NAALADL2: variants seen among roughly 807,000 people sequenced by gnomAD.
NAALADL2 encodes inactive N-acetylated-alpha-linked acidic dipeptidase-like protein 2.
A neutral mutation model predicts 87.2 loss-of-function variants in NAALADL2; 76 were observed. The ratio of observed to expected loss-of-function variants is 0.87; its 90% CI spans 0.72 to 1.05. The LOEUF (loss-of-function observed/expected upper bound fraction) is 1.05, where lower values mean the gene tolerates loss of function less well. Among genes scored for constraint, NAALADL2 ranks in the 50% least tolerant of loss-of-function variants. The pLI is 0.00. For missense variants in NAALADL2, 1,089 were observed against 945.8 expected (o/e 1.15, Z -1.99); for synonymous variants, 354 against 331.0 (o/e 1.07, Z -0.75).
intron 3 of NAALADL2, among the ~76,000 whole-genome samples, chr3:174,797,730 C>T (rs1275466277): frequency 1.9e-4 from 29 of 151,868 alleles, no homozygotes; most frequent in Admixed American, 1.8e-3. Context: ...AGCTTCCAGC[C>T]TCCAGAAATG....
At chr3:175,348,679 G>T (rs1470325698) in intron 5 of NAALADL2, among the ~76,000 whole-genome samples, 1 of 152,018 alleles carries the variant, frequency 6.6e-6, no homozygotes, top group Non-Finnish European at 1.5e-5. Flanking sequence ...TGTGTGTGAC[G>T]GTCTCTATGG....
intron 11 of NAALADL2, among the ~76,000 whole-genome samples, chr3:175,721,007 A>T (rs1742161545): frequency 6.6e-6 from 1 of 152,158 alleles, no homozygotes; most frequent in Non-Finnish European, 1.5e-5. Flanking sequence ...GAAGATGTGA[A>T]TAAGTATAAC....
At chr3:175,147,230 G>T (rs1034625383) in intron 2 of NAALADL2, among the ~76,000 whole-genome samples, 1 of 152,034 alleles carries the variant, frequency 6.6e-6, no homozygotes, top group Non-Finnish European at 1.5e-5. Flanking sequence ...TTCAAATCTT[G>T]CCATCCTCCT....
intron 1 of NAALADL2, among the ~76,000 whole-genome samples, chr3:174,872,792 T>A (rs1728004996): frequency 6.6e-6 from 1 of 152,106 alleles, no homozygotes; most frequent in Non-Finnish European, 1.5e-5. Flanking sequence ...ATAAACATTC[T>A]GAAATTGCTC....
At chr3:175,369,215 A>G (rs1766111649) in intron 5 of NAALADL2, among the ~76,000 whole-genome samples, 1 of 152,130 alleles carries the variant, frequency 6.6e-6, no homozygotes, top group South Asian at 2.1e-4. Context: ...ACCTGACTGT[A>G]TATATATGTA....
At chr3:174,935,529 G>A (rs1298370457) in intron 1 of NAALADL2, among the ~76,000 whole-genome samples, 2 of 152,088 alleles carry the variant, frequency 1.3e-5, no homozygotes, top group African/African-American at 2.4e-5. Context: ...TAGTAGTGGT[G>A]GAAGTGATGG....
At chr3:174,742,518 A>G (rs1733859079) in intron 3 of NAALADL2, among the ~76,000 whole-genome samples, 1 of 151,742 alleles carries the variant, frequency 6.6e-6, no homozygotes, top group Non-Finnish European at 1.5e-5. Context: ...ACATATAATA[A>G]ATAATCATAT....
At chr3:175,700,348 C>T (rs1287850153) in intron 11 of NAALADL2, among the ~76,000 whole-genome samples, 2 of 151,864 alleles carry the variant, frequency 1.3e-5, no homozygotes, top group Non-Finnish European at 1.5e-5. Context: ...ACTTTTTTGT[C>T]CATGAATAAG....
At chr3:175,186,672 A>C (rs1737381725) in intron 2 of NAALADL2, among the ~76,000 whole-genome samples, 1 of 152,038 alleles carries the variant, frequency 6.6e-6, no homozygotes, top group Non-Finnish European at 1.5e-5. Flanking sequence ...TGTCTGGCAA[A>C]ATGTTCTAAT....
intron 10 of NAALADL2, among the ~76,000 whole-genome samples, chr3:175,590,983 C>T (rs931500758): frequency 1.3e-5 from 2 of 151,516 alleles, no homozygotes; most frequent in African/African-American, 2.4e-5. Flanking sequence ...GTGGGCATGC[C>T]ACCCCTTCAA....
chr3:175,559,429 A>AT (rs58025781), intron 9 of NAALADL2, among the ~76,000 whole-genome samples: 99,842 of 151,702 alleles, frequency 0.66, 34,899 homozygotes, highest in East Asian at 0.84. Flanking sequence ...GATGCCCTTT[A>AT]TTTTTTTCTC....
chr3:174,946,160 A>C (rs1220712375), intron 1 of NAALADL2, among the ~76,000 whole-genome samples: 2 of 151,742 alleles, frequency 1.3e-5, no homozygotes, highest in Non-Finnish European at 2.9e-5. Context: ...ATTCTTGCCA[A>C]GTTTCCTAAG....
intron 2 of NAALADL2, among the ~76,000 whole-genome samples, chr3:175,146,783 G>T (rs1197549943): frequency 6.6e-6 from 1 of 151,846 alleles, no homozygotes; most frequent in African/African-American, 2.4e-5. Context: ...GTGTGAAATT[G>T]TTGGCTTAAC....
At chr3:174,672,629 G>T (rs1006290230) in intron 2 of NAALADL2, among the ~76,000 whole-genome samples, 1 of 152,072 alleles carries the variant, frequency 6.6e-6, no homozygotes, top group Non-Finnish European at 1.5e-5. Context: ...AAGTGTCAGG[G>T]AGCACAGTTT....
In NAALADL2 at chr3:175,713,933, A is replaced by T. The variant is rs563268573; in HGVS notation, c.1897-23373A>T. 6.0e-4 allele frequency among the ~76,000 whole-genome samples: 92 copies of T among 152,130 alleles called. 1 individual carries two copies. Among genetic ancestry groups the T allele is most frequent in the African/African-American group, 2.1e-3 (89 of 41,540 alleles). Reference sequence around the variant, plus strand: ...GTGTGATGTTCCCCATCCTATGTTCATGTGTTCTCATTGTTCAACTCCCAC... The same window carrying T: ...GTGTGATGTTCCCCATCCTATGTTCTTGTGTTCTCATTGTTCAACTCCCAC... On this transcript the variant is annotated intron_variant, in intron 11 of 13. Coordinates refer to ENST00000454872, the MANE Select transcript of NAALADL2 (RefSeq NM_207015.3).
chr3:175,686,159 T>G (rs1474498476), intron 11 of NAALADL2, among the ~76,000 whole-genome samples: 3 of 152,204 alleles, frequency 2.0e-5, no homozygotes, highest in African/African-American at 7.2e-5. Flanking sequence ...CTGTTGTTAT[T>G]CTGTAATAAA....
intron 3 of NAALADL2, among the ~76,000 whole-genome samples, chr3:174,819,698 T>A (rs1721218543): frequency 6.6e-6 from 1 of 152,106 alleles, no homozygotes; most frequent in Non-Finnish European, 1.5e-5. Context: ...TCCTATAATT[T>A]TTGTATGAAG....
chr3:175,206,558 G>A (rs1740951666), intron 2 of NAALADL2, among the ~76,000 whole-genome samples: 2 of 149,058 alleles, frequency 1.3e-5, no homozygotes, highest in Admixed American at 1.4e-4. Context: ...GACTTGGTGG[G>A]GAAGAGTGGG....
chr3:175,137,863 A>G (rs1729364903), intron 2 of NAALADL2, among the ~76,000 whole-genome samples: 1 of 151,998 alleles, frequency 6.6e-6, no homozygotes, highest in Non-Finnish European at 1.5e-5. Flanking sequence ...ACCTCAGATG[A>G]TCCACCTGCC....
Sources: allele counts gnomAD v4.1 joint callset (sites outside exome capture counted in the v4.1 genomes callset), GRCh38; gene constraint gnomAD v4.1.1; transcripts MANE v1.5; gene names NCBI Gene and HGNC (gene_info 2026-07-23, HGNC 2026-07-21).